P4HTM: variants seen among roughly 807,000 people sequenced by gnomAD.
P4HTM encodes the protein transmembrane prolyl 4-hydroxylase.
P4HTM carries 33 observed loss-of-function variants against 55.3 expected under a neutral mutation model. That is an observed-to-expected ratio of 0.60 (90% CI 0.45 to 0.80). The LOEUF is 0.80. Among genes scored for constraint, P4HTM ranks in the 30% least tolerant of loss-of-function variants. P4HTM has a pLI of 0.00. For missense variants in P4HTM, 542 were observed against 696.5 expected (o/e 0.78, Z 2.50); for synonymous variants, 272 against 286.4 (o/e 0.95, Z 0.51).
rs573591996 is a variant in P4HTM at position 49,006,609 on chromosome 3, T to G, written c.1289-78T>G. ...CAAGGAATGCATAGCTGGACCCACC[T>G]TGGTCATGCTCTTGGTGCCTATGAG... On this transcript the variant is annotated intron_variant, in intron 8 of 8. Transcript: ENST00000383729. The G allele has an allele frequency of 1.2e-5, 14 of 1,215,448 alleles. No individual in the cohort carries two copies. In the East Asian group the frequency reaches 3.5e-4, roughly 30 times the overall value. The allele number at this position is 1,215,448 out of a possible 1,614,324, so 75.3% of individuals were successfully genotyped here. A position where few individuals can be genotyped will look rare whatever the true frequency, so the allele number is the denominator to read the frequency against.
At chr3:49,000,330 G>C (rs910288200) in intron 2 of P4HTM, among the ~76,000 whole-genome samples, 7 of 152,246 alleles carry the variant, frequency 4.6e-5, no homozygotes, top group African/African-American at 1.7e-4. Flanking sequence ...TGGAAGGATA[G>C]CTTGAACCCA....
At chr3:48,996,812 C>G (rs1050774572) in intron 2 of P4HTM, among the ~76,000 whole-genome samples, 11 of 152,172 alleles carry the variant, frequency 7.2e-5, no homozygotes, top group African/African-American at 2.7e-4. Flanking sequence ...AGCATCTTGT[C>G]CAAGGTGAGC....
intron 6 of P4HTM, 169 bp downstream of exon 6, chr3:49,005,215 G>C: frequency 6.4e-7 from 1 of 1,557,134 alleles, no homozygotes. Context: ...TTACCCAATG[G>C]CTGGAAAGGG....
intron 6 of P4HTM, chr3:49,005,487 G>C: frequency 2.2e-6 from 3 of 1,342,180 alleles, no homozygotes; most frequent in South Asian, 2.2e-5. Flanking sequence ...AGCGCGCCCT[G>C]TTGCTTCTGC....
rs942993730 is a variant in P4HTM, at chr3:48,990,604, C to T, written c.348C>T (p.Gly116=). The stretch of plus-strand genomic sequence containing the variant: ...TAGGTCCCCTCACCCGGCTGGAGGG[C>T]ATCAAGGTGAGGACCTCCCTGCCCC... ...PTLGPLTRLE[G]IKVGHERKVQ... is the part of the protein sequence containing the mutation. The change falls in exon 1 of 9, where the codon GGC becomes GGT. Residue 116 remains glycine, a synonymous_variant. Transcript: ENST00000383729. This position sits in a 1 kb window ranked among gnomAD's most constrained non-coding sequence, Gnocchi z 7.2. 1.5e-5 allele frequency: 23 copies of T among 1,582,660 alleles called. No homozygotes were observed. Among genetic ancestry groups the T allele is most frequent in the Non-Finnish European group, 2.0e-5 (23 of 1,164,716 alleles).
At chr3:48,996,042 A>T (rs1016575722) in intron 2 of P4HTM, 3 of 152,186 alleles carry the variant, frequency 2.0e-5, no homozygotes, top group African/African-American at 7.2e-5. Flanking sequence ...CAAGAGTTTT[A>T]ATCCATTTTT....
chr3:49,002,684 C>G lies in P4HTM; in HGVS notation c.724+88C>G. On this transcript the variant is annotated intron_variant, in intron 4 of 8. Coordinates refer to ENST00000383729, the MANE Select transcript of P4HTM (RefSeq NM_177939.3). The surrounding 1 kb of genome is among the most constrained non-coding windows in gnomAD (Gnocchi z 4.4). The stretch of plus-strand genomic sequence containing the variant: ...ATTTTGAAAACTTGGGCCCTTCCCC[C>G]ACAGCCAGGCAGCCTCTCTGCACCC... 1 of 961,126 alleles carries G rather than the reference C, an allele frequency of 1.0e-6. No homozygotes were observed. The highest frequency in any genetic ancestry group is 1.6e-5 in the African/African-American group (1 of 62,850). 59.5% of individuals were successfully genotyped at this position (961,126 alleles called of 1,614,324 possible). A position where few individuals can be genotyped will look rare whatever the true frequency, so the allele number is the denominator to read the frequency against.
Position 48,990,352 on chromosome 3 carries a change from T to C in P4HTM, c.96T>C (p.Ala32=), listed in dbSNP as rs1202951606. 6.4e-7 allele frequency: 1 copy of C among 1,552,884 alleles called. No homozygotes were observed. Among genetic ancestry groups the C allele is most frequent in the Non-Finnish European group, 8.6e-7 (1 of 1,157,654 alleles). The change falls in exon 1 of 9, where the codon GCT becomes GCC. Residue 32 remains alanine, a synonymous_variant. Transcript: ENST00000383729. The surrounding 1 kb of genome is among the most constrained non-coding windows in gnomAD (Gnocchi z 7.2). ...GGGCGCCGCCAGACCACTGCCAGGC[T>C]CAGGCGGCGGCCGGGCTGGGCGACG... is the stretch of plus-strand genomic sequence containing the variant. ...PQWAPPDHCQ[A]QAAAGLGDGE...
chr3:48,990,246 A>T lies in P4HTM; in HGVS notation c.-11A>T. The T allele has an allele frequency of 8.4e-7, 1 of 1,192,640 alleles. No individual in the cohort carries two copies. Among genetic ancestry groups the T allele is most frequent in the Non-Finnish European group, 1.0e-6 (1 of 963,650 alleles). The allele number at this position is 1,192,640 out of a possible 1,614,324, so 73.9% of individuals were successfully genotyped here. ...GGCCCCTCCCCTGGGCGCGCGCGCG[A>T]CCTGGGTGCCATGGCGGCAGCGGCG... On this transcript the variant is annotated 5_prime_UTR_variant, in exon 1 of 9. Coordinates refer to ENST00000383729, the MANE Select transcript of P4HTM (RefSeq NM_177939.3). The surrounding 1 kb of genome is among the most constrained non-coding windows in gnomAD (Gnocchi z 7.2).
chr3:49,005,337 G>A, intron 6 of P4HTM: 4 of 1,426,622 alleles, frequency 2.8e-6, no homozygotes, highest in South Asian at 1.5e-5. Context: ...CCCCTAGCTT[G>A]TCCTGCCCAT....
chr3:49,002,525 A>G lies in P4HTM; in HGVS notation c.653A>G (p.Asn218Ser), dbSNP rs780045219. 1 of 1,614,072 alleles carries G rather than the reference A, an allele frequency of 6.2e-7. No individual in the cohort carries two copies. Among genetic ancestry groups the G allele is most frequent in the South Asian group, 1.1e-5 (1 of 91,088 alleles). Residue 218 changes from asparagine to serine, a missense_variant, in exon 4 of 9, where the codon AAT (asparagine) becomes AGT (serine). Transcript: ENST00000383729. The surrounding 1 kb of genome is among the most constrained non-coding windows in gnomAD (Gnocchi z 4.4). ...REVLAQTRLG[N>S]GWWMTPESIQ... ...GTTCTGGCCCAGACTCGCCTGGGAAATGGATGGTGGATGACTCCAGAGAGC... is the reference window on the plus strand; with the variant it reads ...GTTCTGGCCCAGACTCGCCTGGGAAGTGGATGGTGGATGACTCCAGAGAGC...
At chr3:49,004,823 G>A in intron 5 of P4HTM, 38 bp from the exon 6 acceptor site, 1 of 1,574,060 alleles carries the variant, frequency 6.4e-7, no homozygotes, top group Non-Finnish European at 8.6e-7. Context: ...TCACCACCTT[G>A]CCTGGGGCTG....
rs754507491 is a variant in P4HTM at position 49,004,169 on chromosome 3, G to A, written c.796G>A (p.Ala266Thr). 1 of 1,550,990 alleles carries A rather than the reference G, an allele frequency of 6.4e-7. No homozygotes were observed. Among genetic ancestry groups the A allele is most frequent in the Non-Finnish European group, 8.7e-7 (1 of 1,147,424 alleles). The change falls in exon 5 of 9, where the codon GCA (alanine) becomes ACA (threonine). Residue 266 changes from alanine (A) to threonine (T), a missense_variant. Coordinates refer to ENST00000383729, the MANE Select transcript of P4HTM (RefSeq NM_177939.3). ...CCACAAGTACATGAGGAGCCACAAG[G>A]CAGAGTCCAGTGAGCTGGTGCGGAA... is the stretch of plus-strand genomic sequence containing the variant. ...DFHKYMRSHKAESSELVRNSH... is the reference protein window; with the variant it reads ...DFHKYMRSHKTESSELVRNSH...
intron 4 of P4HTM, chr3:49,003,550 G>A (rs1309958183): frequency 6.5e-6 from 1 of 153,956 alleles, no homozygotes; most frequent in Non-Finnish European, 1.4e-5. Context: ...GGGGTGGCCT[G>A]ACTTTCGTTG....
At chr3:49,003,914 C>G (rs1239497004) in intron 4 of P4HTM, 184 bp from the exon 5 acceptor site, 1 of 596,448 alleles carries the variant, frequency 1.7e-6, no homozygotes, top group East Asian at 2.9e-5. Context: ...TCCTGTAAGG[C>G]CTGATGTGAC....
chr3:48,990,861 TCACC>T lies in P4HTM; in HGVS notation c.384_387del (p.Asp130GlyfsTer21). On this transcript the variant is annotated frameshift_variant, in exon 2 of 9. Transcript: ENST00000383729. LOFTEE classifies it high-confidence loss of function. This position sits in a 1 kb window ranked among gnomAD's most constrained non-coding sequence, Gnocchi z 7.2. Reference sequence around the variant, plus strand: ...GGGCACGAGCGTAAGGTCCAGCTGGTCACCGACAGGGATCACTTCATCCGAACCC... The same window carrying T: ...GGGCACGAGCGTAAGGTCCAGCTGGTGACAGGGATCACTTCATCCGAACCC... The T allele has an allele frequency of 6.2e-7, 1 of 1,613,998 alleles. No individual in the cohort carries two copies. The highest frequency in any genetic ancestry group is 8.5e-7 in the Non-Finnish European group (1 of 1,179,964).
chr3:49,006,714 C>T lies in P4HTM; in HGVS notation c.1316C>T (p.Ser439Leu), dbSNP rs751111544. Residue 439 changes from serine (S) to leucine (L), a missense_variant, in exon 9 of 9, where the codon TCG becomes TTG. Physicochemically the swap from Ser to Leu is moderately radical, Grantham distance 145. This residue lies in a region of P4HTM where 536 missense variants were observed against 672.1 expected (regional missense o/e 0.80). Transcript: ENST00000383729. ...TGGGTGGGTGACGTAGACGACTACT[C>T]GCTGCACGGGGGCTGCCTGGTCACG... ...QGWVGDVDDY[S>L]LHGGCLVTRG... is the part of the protein sequence containing the mutation. The T allele has an allele frequency of 1.9e-6, 3 of 1,613,710 alleles. No individual in the cohort carries two copies. The highest frequency in any genetic ancestry group is 1.7e-6 in the Non-Finnish European group (2 of 1,180,040).
chr3:48,995,532 G>T (rs767357755), intron 2 of P4HTM, among the ~76,000 whole-genome samples: 1 of 152,086 alleles, frequency 6.6e-6, no homozygotes, highest in Admixed American at 6.5e-5. Context: ...TATGTAAGAG[G>T]ACTGATTTGT....
upstream of P4HTM, chr3:48,990,115 G>T: frequency 3.9e-6 from 3 of 760,016 alleles, no homozygotes; most frequent in Non-Finnish European, 4.9e-6. This position sits in a 1 kb window ranked among gnomAD's most constrained non-coding sequence, Gnocchi z 7.2. Context: ...GGACGCAGGC[G>T]GCTCCGGGCG....
Sources: gnomAD v4.1 joint callset for allele counts (sites outside exome capture counted in the v4.1 genomes callset) on GRCh38, gnomAD v4.1.1 for gene constraint, gnomAD v4.1.1 regional missense constraint, Gnocchi (gnomAD v3.1) non-coding constraint, MANE v1.5 for transcripts, NCBI Gene and HGNC (gene_info 2026-07-23, HGNC 2026-07-21) for gene names.